Variants in RBFOX1 observed in about 807,000 individuals in gnomAD.
RBFOX1 encodes the protein RNA binding fox-1 homolog 1, also known as RNA binding protein fox-1 homolog 1.
Under a neutral mutation model 57.7 loss-of-function variants are expected in RBFOX1, and 8 were observed. The observed-to-expected ratio is 0.14, with a 90% confidence interval of 0.08 to 0.25. The LOEUF (loss-of-function observed/expected upper bound fraction) is 0.25. RBFOX1 is among the 10% of genes least tolerant of loss of function. RBFOX1 has a pLI of 1.00. For missense variants in RBFOX1, 611 were observed against 548.5 expected (o/e 1.11, Z -1.14); for synonymous variants, 326 against 222.4 (o/e 1.47, Z -4.15).
chr16:7,686,818 G>T (rs2076165212), intron 14 of RBFOX1, among the ~76,000 whole-genome samples: 1 of 152,060 alleles, frequency 6.6e-6, no homozygotes, highest in African/African-American at 2.4e-5. Flanking sequence ...GAAGTGCAGT[G>T]GGAACTGGGG....
At chr16:7,043,778 C>T (rs1045561109) in intron 3 of RBFOX1, among the ~76,000 whole-genome samples, 3 of 152,192 alleles carry the variant, frequency 2.0e-5, no homozygotes, top group African/African-American at 7.2e-5. Context: ...TCAAGTTAAT[C>T]TCTCACCAGT....
chr16:6,084,789 G>T (rs1477514478), intron 1 of RBFOX1, among the ~76,000 whole-genome samples: 7 of 151,928 alleles, frequency 4.6e-5, no homozygotes, highest in African/African-American at 1.4e-4. Flanking sequence ...TGTTTTGCAG[G>T]ACAAACGTCT....
intron 7 of RBFOX1, 71 bp downstream of exon 7, chr16:7,587,371 A>G (rs2094185414): frequency 7.1e-7 from 1 of 1,403,170 alleles, no homozygotes; most frequent in African/African-American, 1.4e-5. Context: ...AGGGGAAACA[A>G]CTGCACTGTC....
At chr16:7,495,938 T>A (rs1475958109) in intron 4 of RBFOX1, among the ~76,000 whole-genome samples, 1 of 152,140 alleles carries the variant, frequency 6.6e-6, no homozygotes. Flanking sequence ...TCATTGAAGT[T>A]CCTCATTTAA....
intron 2 of RBFOX1, among the ~76,000 whole-genome samples, chr16:6,452,828 A>T (rs1416160254): frequency 1.3e-5 from 2 of 152,180 alleles, no homozygotes; most frequent in Non-Finnish European, 2.9e-5. Context: ...CCACAAAATG[A>T]GGAAAATAAT....
At chr16:6,332,745 G>C (rs1312273025) in intron 2 of RBFOX1, among the ~76,000 whole-genome samples, 3 of 151,954 alleles carry the variant, frequency 2.0e-5, no homozygotes, top group Non-Finnish European at 4.4e-5. Context: ...TACTGTTTTA[G>C]TGAATAGTTC....
intron 4 of RBFOX1, among the ~76,000 whole-genome samples, chr16:5,933,573 T>C (rs1597849651): frequency 6.6e-6 from 1 of 152,126 alleles, no homozygotes; most frequent in East Asian, 1.9e-4. Context: ...AAAACAGAAA[T>C]TGCCATTTAG....
chr16:7,126,316 A>G, intron 4 of RBFOX1: 1 of 309,978 alleles, frequency 3.2e-6, no homozygotes, highest in Non-Finnish European at 6.2e-6. Context: ...GGTGGGGGTC[A>G]TGGGGCAGCA....
chr16:7,038,253 G>A (rs1042889726), intron 3 of RBFOX1, among the ~76,000 whole-genome samples: 1 of 152,102 alleles, frequency 6.6e-6, no homozygotes, highest in African/African-American at 2.4e-5. Context: ...GGACATTTTG[G>A]TGAGTATTGC....
At chr16:5,821,145 C>G (rs1276362244) in intron 3 of RBFOX1, among the ~76,000 whole-genome samples, 6 of 152,280 alleles carry the variant, frequency 3.9e-5, no homozygotes, top group African/African-American at 1.4e-4. Flanking sequence ...AGGCTCTCTG[C>G]TGCAGACTGC....
intron 4 of RBFOX1, among the ~76,000 whole-genome samples, chr16:7,108,847 C>G (rs935303348): frequency 1.3e-5 from 2 of 152,052 alleles, no homozygotes; most frequent in Non-Finnish European, 1.5e-5. Flanking sequence ...ACTAGTGAAA[C>G]GAGTCATGAT....
chr16:6,936,480 A>C (rs2077379643), intron 3 of RBFOX1, among the ~76,000 whole-genome samples: 1 of 152,158 alleles, frequency 6.6e-6, no homozygotes, highest in East Asian at 1.9e-4. Flanking sequence ...TCCTTCATCC[A>C]ACATTGAGTA....
At chr16:6,877,327 C>G (rs1035728277) in intron 3 of RBFOX1, among the ~76,000 whole-genome samples, 1 of 152,136 alleles carries the variant, frequency 6.6e-6, no homozygotes, top group African/African-American at 2.4e-5. Flanking sequence ...TCTGGCAGAG[C>G]TAATCTTTAC....
chr16:6,512,235 G>A (rs1413522895), intron 2 of RBFOX1, among the ~76,000 whole-genome samples: 1 of 129,956 alleles, frequency 7.7e-6, no homozygotes, highest in Non-Finnish European at 1.5e-5. Flanking sequence ...AGTGAACCAT[G>A]ATCACACCAC....
intron 1 of RBFOX1, among the ~76,000 whole-genome samples, chr16:5,378,618 T>G (rs9923531): frequency 6.6e-6 from 1 of 151,214 alleles, no homozygotes; most frequent in Non-Finnish European, 1.5e-5. Context: ...CATGTTAACA[T>G]GAGAATGGCC....
At chr16:7,630,763 C>T (rs778195863) in intron 11 of RBFOX1, 80 bp downstream of exon 11, 155 of 1,574,764 alleles carry the variant, frequency 9.8e-5, no homozygotes, top group Non-Finnish European at 1.3e-4. Context: ...TAAGTTCTCT[C>T]CCCCTCCCTC....
chr16:7,261,562 T>G (rs1410024273), intron 4 of RBFOX1, among the ~76,000 whole-genome samples: 1 of 152,188 alleles, frequency 6.6e-6, no homozygotes, highest in African/African-American at 2.4e-5. Flanking sequence ...CTCTTGCTTC[T>G]TCATCAAACC....
intron 4 of RBFOX1, among the ~76,000 whole-genome samples, chr16:7,149,226 C>G (rs887280472): frequency 6.6e-6 from 1 of 152,072 alleles, no homozygotes; most frequent in Non-Finnish European, 1.5e-5. Flanking sequence ...TGCTGGACTT[C>G]CTGGTGCTGT....
chr16:5,399,602 G>A (rs2066656685), intron 1 of RBFOX1, among the ~76,000 whole-genome samples: 1 of 152,150 alleles, frequency 6.6e-6, no homozygotes, highest in South Asian at 2.1e-4. Flanking sequence ...ATGTGGTGGT[G>A]CCCATCTGTA....
Sources: allele counts gnomAD v4.1 joint callset (sites outside exome capture counted in the v4.1 genomes callset), GRCh38; gene constraint gnomAD v4.1.1; transcripts MANE v1.5; gene names NCBI Gene and HGNC (gene_info 2026-07-23, HGNC 2026-07-21).